PHACTR2: variants seen among roughly 807,000 people sequenced by gnomAD.
PHACTR2 encodes phosphatase and actin regulator 2.
Under a neutral mutation model 76.0 loss-of-function variants are expected in PHACTR2, and 30 were observed. The ratio of observed to expected loss-of-function variants is 0.39; its 90% CI spans 0.30 to 0.54. The LOEUF (loss-of-function observed/expected upper bound fraction) is 0.54, where lower values mean the gene tolerates loss of function less well. Among genes scored for constraint, PHACTR2 ranks in the 20% least tolerant of loss-of-function variants. The pLI is 0.61. For synonymous variants in PHACTR2, 292 were observed against 292.5 expected, an observed-to-expected ratio of 1.00 and a Z score of 0.02; for missense variants, 696 against 781.1, an observed-to-expected ratio of 0.89 and a Z score of 1.30.
At chr6:143,740,783 G>A (rs112225896) in intron 2 of PHACTR2, among the ~76,000 whole-genome samples, 227 of 152,254 alleles carry the variant, frequency 1.5e-3, no homozygotes, top group African/African-American at 5.2e-3. Flanking sequence ...AGAAAGCAGC[G>A]TACCTCTGGT....
At position 143,616,393 on chromosome 6, in the gene PHACTR2, A is replaced by G. The variant is rs1465512770; in HGVS notation, c.13+8071A>G. ...TAGTAATGATTATATTTGACTTATT[A>G]ACCTGTATCTTCTGTTATTTTCCAT... On this transcript the variant is annotated intron_variant, in intron 1 of 11. Transcript: ENST00000305766. This position sits in a 1 kb window ranked among gnomAD's most constrained non-coding sequence, Gnocchi z 4.9. Among the ~76,000 whole-genome samples, 1 of 152,160 alleles carries G rather than the reference A, an allele frequency of 6.6e-6. No individual in the cohort carries two copies. Among genetic ancestry groups the G allele is most frequent in the Non-Finnish European group, 1.5e-5 (1 of 68,028 alleles).
chr6:143,760,696 T>G lies in PHACTR2; in HGVS notation c.694+56T>G. The G allele has an allele frequency of 1.3e-6, 2 of 1,573,976 alleles. No individual in the cohort carries two copies. The highest frequency in any genetic ancestry group is 4.5e-5 in the East Asian group (2 of 44,502). ...ACTTCTAGGGTGCTTGGCTCTGGGA[T>G]GGGGCTAATTGTTTCTTCTAGGTGT... On this transcript the variant is annotated intron_variant, in intron 5 of 12. Transcript: ENST00000440869. The surrounding 1 kb of genome is among the most constrained non-coding windows in gnomAD (Gnocchi z 6.4).
chr6:143,726,547 C>T (rs900600135), intron 2 of PHACTR2, among the ~76,000 whole-genome samples: 3 of 152,158 alleles, frequency 2.0e-5, no homozygotes, highest in African/African-American at 7.2e-5. Flanking sequence ...GTTTATTTCA[C>T]CTAGCATAAT....
intron 1 of PHACTR2, among the ~76,000 whole-genome samples, chr6:143,693,446 C>T (rs1422024644): frequency 6.6e-6 from 1 of 152,194 alleles, no homozygotes; most frequent in Non-Finnish European, 1.5e-5. Context: ...CCCTGTTGGC[C>T]AGGCTGGTCT....
rs7356821 is a variant in PHACTR2, at chr6:143,547,694, G to A, written c.217+10487G>A. Among the ~76,000 whole-genome samples, 3,329 of 152,272 alleles carry A rather than the reference G, an allele frequency of 0.022. 128 individuals are homozygous for A. Among genetic ancestry groups the A allele is most frequent in the African/African-American group, 0.076 (3,161 of 41,534 alleles). On this transcript the variant is annotated intron_variant, in intron 1 of 11. Transcript: ENST00000367584. This position sits in a 1 kb window ranked among gnomAD's most constrained non-coding sequence, Gnocchi z 4.2. ...CTCCCTTCTTCGAATGAAGGAAAAGGGGTTTGTTTGTCTATTTGTTAACAA... is the reference window on the plus strand; with the variant it reads ...CTCCCTTCTTCGAATGAAGGAAAAGAGGTTTGTTTGTCTATTTGTTAACAA...
upstream of PHACTR2, among the ~76,000 whole-genome samples, chr6:143,604,846 T>G (rs1434787053): frequency 6.8e-6 from 1 of 148,074 alleles, no homozygotes; most frequent in Non-Finnish European, 1.5e-5. Context: ...GAACCAAGAT[T>G]GCGCCATTGC....
Position 143,772,223 on chromosome 6 carries a change from T to C in PHACTR2, c.1233-35T>C. ...AGTGCCGCCAAGGGTTGCTCTGAGC[T>C]TCACATCACTCCCATGCTTTTCTGC... On this transcript the variant is annotated intron_variant, in intron 6 of 12. Coordinates refer to ENST00000440869, the MANE Select transcript of PHACTR2 (RefSeq NM_001100164.2). This position sits in a 1 kb window ranked among gnomAD's most constrained non-coding sequence, Gnocchi z 5.4. 1 of 1,526,716 alleles carries C rather than the reference T, an allele frequency of 6.6e-7. No individual in the cohort carries two copies. The allele number at this position is 1,526,716 out of a possible 1,614,324, so 94.6% of individuals were successfully genotyped here. A position where few individuals can be genotyped will look rare whatever the true frequency, so the allele number is the denominator to read the frequency against.
upstream of PHACTR2, among the ~76,000 whole-genome samples, chr6:143,604,096 C>CAA (rs5880568): frequency 2.0e-3 from 218 of 110,340 alleles, 2 homozygotes; most frequent in African/African-American, 6.8e-3. Flanking sequence ...GACTCTGATT[C>CAA]AAAAAAAAAA....
rs1156678470 is a variant in PHACTR2, at chr6:143,733,080, A to G, written c.215-15905A>G. Among the ~76,000 whole-genome samples the G allele has an allele frequency of 2.0e-5, 3 of 152,050 alleles. No homozygotes were observed. Among genetic ancestry groups the G allele is most frequent in the Admixed American group, 1.3e-4 (2 of 15,258 alleles). ...TAATTTTAAAAAAAAATTTTTTTTC[A>G]TAGAGATGGAGGCTTGCTCAGCTGC... On this transcript the variant is annotated intron_variant, in intron 2 of 12. Coordinates refer to ENST00000440869, the MANE Select transcript of PHACTR2 (RefSeq NM_001100164.2). The surrounding 1 kb of genome is among the most constrained non-coding windows in gnomAD (Gnocchi z 4.0).
At chr6:143,713,687 C>T (rs568569863) in intron 2 of PHACTR2, among the ~76,000 whole-genome samples, 13 of 152,282 alleles carry the variant, frequency 8.5e-5, no homozygotes, top group African/African-American at 3.1e-4. Flanking sequence ...GGAGGTGCTT[C>T]AGTTCCTGAT....
rs796998144 is a variant in PHACTR2 at position 143,795,972 on chromosome 6, G to A, written c.1845+7062G>A. Among the ~76,000 whole-genome samples, 1 of 152,164 alleles carries A rather than the reference G, an allele frequency of 6.6e-6. No homozygotes were observed. Among genetic ancestry groups the A allele is most frequent in the South Asian group, 2.1e-4 (1 of 4,830 alleles). On this transcript the variant is annotated intron_variant, in intron 11 of 12. Coordinates refer to ENST00000440869, the MANE Select transcript of PHACTR2 (RefSeq NM_001100164.2). The surrounding 1 kb of genome is among the most constrained non-coding windows in gnomAD (Gnocchi z 4.8). ...AAATTATCCAGTGAAAGAGAGTGTA[G>A]AATTTTTTCAGATGAGATGTGCTTT...
chr6:143,712,611 A>G (rs1453491805), intron 2 of PHACTR2, among the ~76,000 whole-genome samples: 3 of 151,970 alleles, frequency 2.0e-5, no homozygotes, highest in Non-Finnish European at 2.9e-5. Flanking sequence ...CTATACTGCT[A>G]TACACATAAC....
chr6:143,688,897 C>G lies in PHACTR2; in HGVS notation c.46+10688C>G, dbSNP rs1582773245. Among the ~76,000 whole-genome samples, 1 of 152,222 alleles carries G rather than the reference C, an allele frequency of 6.6e-6. No homozygotes were observed. Among genetic ancestry groups the G allele is most frequent in the African/African-American group, 2.4e-5 (1 of 41,464 alleles). On this transcript the variant is annotated intron_variant, in intron 1 of 12. Transcript: ENST00000440869. This position sits in a 1 kb window ranked among gnomAD's most constrained non-coding sequence, Gnocchi z 5.2. ...CACTCACTCAAAACCTTCCTGTCCTCCCACTGCACTTGGAATGAAATCCAG... is the reference window on the plus strand; with the variant it reads ...CACTCACTCAAAACCTTCCTGTCCTGCCACTGCACTTGGAATGAAATCCAG...
rs1775596108 is a variant in PHACTR2, at chr6:143,583,456, A to T, written c.217+46249A>T. 6.6e-6 allele frequency among the ~76,000 whole-genome samples: 1 copy of T among 152,260 alleles called. No individual in the cohort carries two copies. Among genetic ancestry groups the T allele is most frequent in the African/African-American group, 2.4e-5 (1 of 41,464 alleles). ...CCTAAAGTTGCTGAGTGACACAATG[A>T]TATTTTTGTACTTAATCACAAAAGC... On this transcript the variant is annotated intron_variant, in intron 1 of 11. Coordinates refer to the PHACTR2 transcript ENST00000367584. This position sits in a 1 kb window ranked among gnomAD's most constrained non-coding sequence, Gnocchi z 4.0.
In PHACTR2 at chr6:143,608,553, A is replaced by G. The variant is rs554797052; in HGVS notation, c.13+231A>G. 2.1e-3 allele frequency among the ~76,000 whole-genome samples: 287 copies of G among 134,044 alleles called. No homozygotes were observed. The highest frequency in any genetic ancestry group is 9.1e-3 in the African/African-American group (272 of 29,896). 87.9% of individuals were successfully genotyped at this position (134,044 alleles called of 152,430 possible). A position where few individuals can be genotyped will look rare whatever the true frequency, so the allele number is the denominator to read the frequency against. ...TATTCCAAATTCACCTTTTGTGAAG[A>G]CTACTGCTATTTAGGCTGAAGCAAG... is the stretch of plus-strand genomic sequence containing the variant. On this transcript the variant is annotated intron_variant, in intron 1 of 11. Transcript: ENST00000305766. This position sits in a 1 kb window ranked among gnomAD's most constrained non-coding sequence, Gnocchi z 4.6.
intron 1 of PHACTR2, among the ~76,000 whole-genome samples, chr6:143,631,767 A>C (rs564488273): frequency 3.0e-4 from 45 of 152,276 alleles, no homozygotes; most frequent in Non-Finnish European, 4.9e-4. Context: ...AATTTTAGAA[A>C]TGTTGAGCTT....
At chr6:143,594,554 A>G (rs1562243841) in intron 1 of PHACTR2, among the ~76,000 whole-genome samples, 1 of 152,252 alleles carries the variant, frequency 6.6e-6, no homozygotes. Context: ...GAATATGGAA[A>G]CAATCCACGA....
At chr6:143,575,010 G>C (rs9390112) in intron 1 of PHACTR2, among the ~76,000 whole-genome samples, 1 of 151,794 alleles carries the variant, frequency 6.6e-6, no homozygotes, top group African/African-American at 2.4e-5. Context: ...AGATTTCTCA[G>C]TATTTACTTG....
In PHACTR2 at chr6:143,783,072, C is replaced by G; in HGVS notation, c.1646-147C>G. 1.9e-6 allele frequency: 1 copy of G among 537,622 alleles called. No homozygotes were observed. Among genetic ancestry groups the G allele is most frequent in the Non-Finnish European group, 3.5e-6 (1 of 286,610 alleles). 33.3% of individuals were successfully genotyped at this position (537,622 alleles called of 1,614,324 possible). A position where few individuals can be genotyped will look rare whatever the true frequency, so the allele number is the denominator to read the frequency against. On this transcript the variant is annotated intron_variant, in intron 9 of 12. Transcript: ENST00000440869. The surrounding 1 kb of genome is among the most constrained non-coding windows in gnomAD (Gnocchi z 5.2). Reference sequence around the variant, plus strand: ...GTGTGTAAGATGATCAACCTTCCTACAAAATATTTTGACAACTTTTTAACA... The same window carrying G: ...GTGTGTAAGATGATCAACCTTCCTAGAAAATATTTTGACAACTTTTTAACA...
Sources: gnomAD v4.1 joint callset for allele counts (sites outside exome capture counted in the v4.1 genomes callset) on GRCh38, gnomAD v4.1.1 for gene constraint, Gnocchi (gnomAD v3.1) non-coding constraint, MANE v1.5 for transcripts, NCBI Gene and HGNC (gene_info 2026-07-23, HGNC 2026-07-21) for gene names.